The following ARHGEF4 variants were observed in gnomAD, a reference collection of about 807,000 sequenced individuals.
ARHGEF4 encodes Rho guanine nucleotide exchange factor 4.
A neutral mutation model predicts 162.0 loss-of-function variants in ARHGEF4; 119 were observed. That is an observed-to-expected ratio of 0.73 (90% CI 0.63 to 0.86). The LOEUF is 0.86. Among genes scored for constraint, ARHGEF4 ranks in the 40% least tolerant of loss-of-function variants. The pLI, the probability that ARHGEF4 is intolerant of heterozygous loss-of-function variation, is 0.00. For missense variants in ARHGEF4, 2,488 were observed against 2,456.0 expected, an observed-to-expected ratio of 1.01 and a Z score of -0.28; for synonymous variants, 1,014 against 979.9, an observed-to-expected ratio of 1.03 and a Z score of -0.65.
At chr2:130,852,809 G>A (rs368698032) in intron 1 of ARHGEF4, among the ~76,000 whole-genome samples, 17 of 152,286 alleles carry the variant, frequency 1.1e-4, no homozygotes, top group African/African-American at 3.8e-4. Flanking sequence ...AAGCCAGCAC[G>A]CACAGGAGGC....
At chr2:131,034,853 G>A in intron 5 of ARHGEF4, 2 of 374,738 alleles carry the variant, frequency 5.3e-6, no homozygotes, top group Non-Finnish European at 7.4e-6. Flanking sequence ...GAGCCGCCGC[G>A]GTCCCTCTGA....
At chr2:130,868,504 G>A (rs1053251575) in intron 1 of ARHGEF4, among the ~76,000 whole-genome samples, 34 of 152,090 alleles carry the variant, frequency 2.2e-4, no homozygotes, top group African/African-American at 7.2e-4. Context: ...GACCAGCTGC[G>A]GTCTGAGGCG....
rs1204531784 is a variant in ARHGEF4 at position 131,028,013 on chromosome 2, G to A, written c.4054G>A (p.Asp1352Asn). ...DEVGSEEDLY[D>N]DLHSSSHHYS... ...AGTGGGGAGCGAGGAGGACCTGTAT[G>A]ATGACCTGCACAGCTCCAGCCACCA... The change falls in exon 5 of 14, where the codon GAT becomes AAT. Residue 1352 changes from aspartate (D) to asparagine (N), a missense_variant. This residue lies in a region of ARHGEF4 where 1,642 missense variants were observed against 1,481.5 expected (regional missense o/e 1.11). Coordinates refer to ENST00000409359, the MANE Select transcript of ARHGEF4 (RefSeq NM_001367493.1). 1 of 1,614,072 alleles carries A rather than the reference G, an allele frequency of 6.2e-7. No homozygotes were observed. Among genetic ancestry groups the A allele is most frequent in the Admixed American group, 1.7e-5 (1 of 60,018 alleles).
In ARHGEF4 at chr2:130,931,186, AAG is replaced by A; in HGVS notation, c.3789_3790del (p.Lys1264ValfsTer39). ...DDLWLEKTQR[K>X]KLQKQAHVER... ...CCTGTGGCTGGAGAAGACACAGAGAAAGAAGTTGCAGAAGCAGGCCCACGTCG... is the reference window on the plus strand; with the variant it reads ...CCTGTGGCTGGAGAAGACACAGAGAAAAGTTGCAGAAGCAGGCCCACGTCG... On this transcript the variant is annotated frameshift_variant, in exon 3 of 14. Coordinates refer to ENST00000409359, the MANE Select transcript of ARHGEF4 (RefSeq NM_001367493.1). LOFTEE classifies it high-confidence loss of function. The A allele has an allele frequency of 6.2e-7, 1 of 1,614,090 alleles. No individual in the cohort carries two copies. The highest frequency in any genetic ancestry group is 1.3e-5 in the African/African-American group (1 of 75,038).
At chr2:130,978,725 G>C (rs993811309) in intron 4 of ARHGEF4, among the ~76,000 whole-genome samples, 6 of 150,640 alleles carry the variant, frequency 4.0e-5, no homozygotes, top group Middle Eastern at 3.4e-3. Context: ...TACACTTAAA[G>C]TATATTTCAA....
chr2:130,984,118 C>T (rs13021106), intron 4 of ARHGEF4, among the ~76,000 whole-genome samples: 93,512 of 152,128 alleles, frequency 0.61, 32,591 homozygotes, highest in Non-Finnish European at 0.77. Context: ...TACATGGTTA[C>T]ACTTCTTTTG....
intron 1 of ARHGEF4, among the ~76,000 whole-genome samples, chr2:130,842,435 G>T (rs1051810424): frequency 6.6e-6 from 1 of 152,192 alleles, no homozygotes; most frequent in Non-Finnish European, 1.5e-5. Context: ...AGAGATACTC[G>T]TACTTTATGT....
chr2:130,961,061 T>G (rs949738744), intron 4 of ARHGEF4, among the ~76,000 whole-genome samples: 1 of 152,098 alleles, frequency 6.6e-6, no homozygotes, highest in African/African-American at 2.4e-5. Flanking sequence ...ACCCTCCACT[T>G]AGCAACACAC....
At chr2:130,883,914 T>C (rs1406701105) in intron 1 of ARHGEF4, among the ~76,000 whole-genome samples, 1 of 152,086 alleles carries the variant, frequency 6.6e-6, no homozygotes, top group African/African-American at 2.4e-5. Context: ...TATGGAATAA[T>C]AGGTATCTTT....
At chr2:130,880,787 A>C (rs1450802050) in intron 1 of ARHGEF4, among the ~76,000 whole-genome samples, 2 of 152,022 alleles carry the variant, frequency 1.3e-5, no homozygotes, top group African/African-American at 4.8e-5. Flanking sequence ...ATCCTGCCTC[A>C]ACCTCCCAAA....
intron 1 of ARHGEF4, among the ~76,000 whole-genome samples, chr2:130,911,288 T>C (rs1458795664): frequency 6.6e-6 from 1 of 152,174 alleles, no homozygotes; most frequent in Admixed American, 6.5e-5. Context: ...CATCTAGTTA[T>C]AGAATAAGAC....
At chr2:130,944,719 A>G (rs983554962) in intron 3 of ARHGEF4, among the ~76,000 whole-genome samples, 1 of 152,056 alleles carries the variant, frequency 6.6e-6, no homozygotes, top group Non-Finnish European at 1.5e-5. Flanking sequence ...TCTTTTTCTG[A>G]TAATTCCAAC....
At chr2:130,964,870 G>A (rs1684903137) in intron 4 of ARHGEF4, among the ~76,000 whole-genome samples, 1 of 152,208 alleles carries the variant, frequency 6.6e-6, no homozygotes. Flanking sequence ...TACCTGGAGG[G>A]CCTAATTTGG....
At position 130,915,993 on chromosome 2, in the gene ARHGEF4, A is replaced by T. The variant is rs1559037205; in HGVS notation, c.2047A>T (p.Thr683Ser). ...CTGTGAGTCTCCCACTAGGGGGAAA[A>T]CACCAGCCGGTAATGAGTGTGAGTT... ...TPCESPTRGK[T>S]PAGNECELPA... The change falls in exon 2 of 14, where the codon ACA becomes TCA. Residue 683 changes from threonine to serine, a missense_variant. By Grantham distance (58) the Thr-to-Ser change is moderately conservative. This residue lies in a region of ARHGEF4 where 1,642 missense variants were observed against 1,481.5 expected (regional missense o/e 1.11). Coordinates refer to ENST00000409359, the MANE Select transcript of ARHGEF4 (RefSeq NM_001367493.1). 11 of 1,550,342 alleles carry T rather than the reference A, an allele frequency of 7.1e-6. No homozygotes were observed. The highest frequency in any genetic ancestry group is 9.6e-6 in the Non-Finnish European group (11 of 1,146,966).
chr2:130,902,348 C>T (rs1680531267), intron 1 of ARHGEF4, among the ~76,000 whole-genome samples: 1 of 152,054 alleles, frequency 6.6e-6, no homozygotes. Context: ...AAGCTGGGCA[C>T]TTTGGGAGGC....
At chr2:130,852,716 G>A (rs886437925) in intron 1 of ARHGEF4, among the ~76,000 whole-genome samples, 4 of 152,232 alleles carry the variant, frequency 2.6e-5, no homozygotes, top group African/African-American at 9.6e-5. Flanking sequence ...GCAGGACTGA[G>A]GTGGGCCTGA....
At chr2:131,003,037 C>T (rs1687883799) in intron 4 of ARHGEF4, among the ~76,000 whole-genome samples, 1 of 152,172 alleles carries the variant, frequency 6.6e-6, no homozygotes, top group African/African-American at 2.4e-5. Flanking sequence ...AGGGACTGTT[C>T]GGACAAGAGG....
intron 1 of ARHGEF4, among the ~76,000 whole-genome samples, chr2:130,897,766 AC>A (rs1272255722): frequency 6.6e-6 from 1 of 152,186 alleles, no homozygotes; most frequent in Non-Finnish European, 1.5e-5. Flanking sequence ...TCACAGACAC[AC>A]GGCTGGGTGG....
intron 1 of ARHGEF4, among the ~76,000 whole-genome samples, chr2:130,891,765 C>A (rs557771688): frequency 6.6e-6 from 1 of 152,130 alleles, no homozygotes; most frequent in Non-Finnish European, 1.5e-5. Context: ...TCTCATACAA[C>A]CTTCATTACC....
Sources: gnomAD v4.1 joint callset for allele counts (sites outside exome capture counted in the v4.1 genomes callset) on GRCh38, gnomAD v4.1.1 for gene constraint, gnomAD v4.1.1 regional missense constraint, MANE v1.5 for transcripts, NCBI Gene and HGNC (gene_info 2026-07-23, HGNC 2026-07-21) for gene names.